Variants in CYRIB observed in about 807,000 individuals in gnomAD.
CYRIB encodes CYFIP related Rac1 interactor B, also known as CYFIP-related Rac1 interactor B.
A neutral mutation model predicts 44.2 loss-of-function variants in CYRIB; 8 were observed. That is an observed-to-expected ratio of 0.18 (90% CI 0.11 to 0.33). The LOEUF is 0.33. CYRIB is among the 10% of genes least tolerant of loss of function. The pLI, the probability that CYRIB is intolerant of heterozygous loss-of-function variation, is 1.00. For missense variants in CYRIB, 185 were observed against 382.8 expected (o/e 0.48, Z 4.31); for synonymous variants, 131 against 127.2 (o/e 1.03, Z -0.20).
intron 1 of CYRIB, among the ~76,000 whole-genome samples, chr8:130,016,141 G>A (rs991108747): frequency 2.0e-5 from 3 of 147,496 alleles, no homozygotes; most frequent in African/African-American, 7.3e-5. Flanking sequence ...CACTCGAGGC[G>A]CCTCCCCCGG....
intron 1 of CYRIB, among the ~76,000 whole-genome samples, chr8:130,013,700 C>T (rs1188268731): frequency 1.3e-5 from 2 of 152,158 alleles, no homozygotes; most frequent in Non-Finnish European, 2.9e-5. Flanking sequence ...CTCGGGCGTC[C>T]TTCCTGTTCT....
chr8:129,845,310 C>T (rs1276223653), intron 11 of CYRIB, among the ~76,000 whole-genome samples: 1 of 152,148 alleles, frequency 6.6e-6, no homozygotes, highest in African/African-American at 2.4e-5. Context: ...AAGAGCCTGA[C>T]CAATCAGAAA....
At chr8:129,868,151 G>T (rs2054879691) in intron 4 of CYRIB, among the ~76,000 whole-genome samples, 1 of 152,010 alleles carries the variant, frequency 6.6e-6, no homozygotes, top group South Asian at 2.1e-4. Context: ...TGTATATTTG[G>T]TGTATATTCA....
intron 1 of CYRIB, among the ~76,000 whole-genome samples, chr8:129,908,228 G>C (rs971706757): frequency 6.6e-6 from 1 of 151,910 alleles, no homozygotes; most frequent in Non-Finnish European, 1.5e-5. Context: ...AAAAATTAAA[G>C]ATAAGGGATA....
chr8:129,971,132 G>C (rs1294561662), intron 1 of CYRIB, 137 bp from the exon 2 acceptor site: 2 of 152,290 alleles, frequency 1.3e-5, no homozygotes, highest in Non-Finnish European at 2.9e-5. Context: ...AATAGCATTT[G>C]TTTGTTTGAT....
chr8:129,909,512 C>T (rs1457604184), intron 1 of CYRIB, among the ~76,000 whole-genome samples: 3 of 151,864 alleles, frequency 2.0e-5, no homozygotes, highest in Non-Finnish European at 3.0e-5. Flanking sequence ...ATTAAAAACT[C>T]TGCCAAAATA....
At chr8:129,998,260 G>C (rs1001330110) in intron 1 of CYRIB, among the ~76,000 whole-genome samples, 1 of 152,064 alleles carries the variant, frequency 6.6e-6, no homozygotes, top group Non-Finnish European at 1.5e-5. Flanking sequence ...CCCAATAACA[G>C]CTTCTCACAC....
intron 1 of CYRIB, among the ~76,000 whole-genome samples, chr8:129,933,887 C>CAAA (rs530230225): frequency 7.6e-6 from 1 of 131,294 alleles, no homozygotes; most frequent in Non-Finnish European, 1.7e-5. Context: ...GTCACACACA[C>CAAA]AAAAAAAAAA....
chr8:129,963,590 T>C (rs1037217135), intron 2 of CYRIB, among the ~76,000 whole-genome samples: 3 of 152,188 alleles, frequency 2.0e-5, no homozygotes, highest in African/African-American at 7.2e-5. Context: ...ATTCCCTCTC[T>C]CTATTCAGGC....
At chr8:130,000,535 A>G (rs2096884963) in intron 1 of CYRIB, among the ~76,000 whole-genome samples, 4 of 151,870 alleles carry the variant, frequency 2.6e-5, no homozygotes, top group Admixed American at 2.6e-4. Context: ...TCTACTAAAA[A>G]TATAAAAATT....
intron 3 of CYRIB, among the ~76,000 whole-genome samples, chr8:129,877,648 C>CAAA (rs34206018): frequency 8.1e-6 from 1 of 124,020 alleles, no homozygotes; most frequent in Non-Finnish European, 1.7e-5. Context: ...GACCTCATAT[C>CAAA]AAAAAAAAAA....
chr8:129,966,885 G>T (rs1007667075), intron 2 of CYRIB, among the ~76,000 whole-genome samples: 1 of 151,996 alleles, frequency 6.6e-6, no homozygotes, highest in Non-Finnish European at 1.5e-5. Flanking sequence ...TGTAGAAACA[G>T]GGTTTCGCCA....
rs2042767090 is a variant in CYRIB at position 129,850,607 on chromosome 8, G to A, written c.713+228C>T. ...CTAAGAGTCTGAGTCAGTCTGAGTGGTCTGAGGTACCTGAAGACCAACTAA... is the reference window on the plus strand; with the variant it reads ...CTAAGAGTCTGAGTCAGTCTGAGTGATCTGAGGTACCTGAAGACCAACTAA... On this transcript the variant is annotated intron_variant, in intron 9 of 11. Coordinates refer to ENST00000519824, the Ensembl canonical transcript of CYRIB. 8 of 529,716 alleles carry A rather than the reference G, an allele frequency of 1.5e-5. No individual in the cohort carries two copies. The South Asian group carries it at 1.8e-4, about 12-fold the overall frequency. The allele number at this position is 529,716 out of a possible 1,614,324, so 32.8% of individuals were successfully genotyped here. A position where few individuals can be genotyped will look rare whatever the true frequency, so the allele number is the denominator to read the frequency against.
In CYRIB at chr8:130,013,566, C is replaced by T. The variant is rs190922288; in HGVS notation, c.-296+2804G>A. On this transcript the variant is annotated intron_variant, in intron 1 of 14. Transcript: ENST00000401979. The stretch of plus-strand genomic sequence containing the variant: ...TTCCTTTACAATGCTCAGTGGTGGA[C>T]GATTTTGCTGAAGACAGCCAAGTCC... Among the ~76,000 whole-genome samples the T allele has an allele frequency of 1.8e-3, 273 of 152,274 alleles. 1 individual carries two copies. The highest frequency in any genetic ancestry group is 0.01 in the Middle Eastern group (3 of 294).
upstream of CYRIB, among the ~76,000 whole-genome samples, chr8:129,944,140 A>T (rs2093968212): frequency 6.6e-6 from 1 of 152,124 alleles, no homozygotes; most frequent in African/African-American, 2.4e-5. Flanking sequence ...ACACATAATC[A>T]GGTATGTTTT....
At chr8:129,907,791 C>G (rs2076195167) in intron 1 of CYRIB, among the ~76,000 whole-genome samples, 1 of 152,150 alleles carries the variant, frequency 6.6e-6, no homozygotes, top group South Asian at 2.1e-4. Context: ...CACCTAAGGT[C>G]AGGAGTTTGA....
At chr8:129,880,882 C>T (rs1167093460) in intron 2 of CYRIB, among the ~76,000 whole-genome samples, 2 of 151,974 alleles carry the variant, frequency 1.3e-5, no homozygotes, top group African/African-American at 4.8e-5. Context: ...ATTGGGAACA[C>T]AAAGAAGAAA....
intron 4 of CYRIB, among the ~76,000 whole-genome samples, chr8:129,870,321 G>A (rs1220571869): frequency 6.6e-6 from 1 of 152,192 alleles, no homozygotes; most frequent in Non-Finnish European, 1.5e-5. Flanking sequence ...GAGGCAAGAC[G>A]ATCACTTGAG....
intron 1 of CYRIB, among the ~76,000 whole-genome samples, chr8:129,930,109 G>T (rs1478997574): frequency 6.6e-6 from 1 of 151,746 alleles, no homozygotes; most frequent in Non-Finnish European, 1.5e-5. Flanking sequence ...TACTCAGGAA[G>T]CTGAGGCAGG....
Sources: allele counts gnomAD v4.1 joint callset (sites outside exome capture counted in the v4.1 genomes callset), GRCh38; gene constraint gnomAD v4.1.1; transcripts MANE v1.5; gene names NCBI Gene and HGNC (gene_info 2026-07-23, HGNC 2026-07-21).